The following UNC79 variants were observed in gnomAD, a reference collection of about 807,000 sequenced individuals.
UNC79 encodes the protein unc-79 subunit of NALCN channel complex.
Under a neutral mutation model 283.1 loss-of-function variants are expected in UNC79, and 37 were observed. That is an observed-to-expected ratio of 0.13 (90% CI 0.10 to 0.17). UNC79 has a LOEUF of 0.17. Among genes scored for constraint, UNC79 ranks in the 10% least tolerant of loss-of-function variants. The pLI is 1.00. For synonymous variants in UNC79, 1,107 were observed against 1,200.2 expected (o/e 0.92, Z 1.61); for missense variants, 2,272 against 3,211.1 (o/e 0.71, Z 7.07).
chr14:93,599,394 A>G (rs2065332684), intron 24 of UNC79, among the ~76,000 whole-genome samples: 1 of 151,266 alleles, frequency 6.6e-6, no homozygotes, highest in African/African-American at 2.5e-5. Flanking sequence ...GTATGTGTGC[A>G]TACACTGTCT....
chr14:93,551,295 C>T (rs915596414), intron 14 of UNC79, among the ~76,000 whole-genome samples: 1 of 152,150 alleles, frequency 6.6e-6, no homozygotes, highest in Non-Finnish European at 1.5e-5. Flanking sequence ...ATGATCTGCC[C>T]GCCTCGGCCT....
At position 93,353,917 on chromosome 14, in the gene UNC79, G is replaced by A. The variant is rs186405072; in HGVS notation, c.-351+20394G>A. 1.7e-3 allele frequency among the ~76,000 whole-genome samples: 256 copies of A among 152,292 alleles called. No homozygotes were observed. The Middle Eastern group carries it at 0.02, about 12-fold the overall frequency. Reference sequence around the variant, plus strand: ...GTCAGTGCCCTAACTTGCCCTAGAAGAGGAGATAGACAAACATGTAACCTT... The same window carrying A: ...GTCAGTGCCCTAACTTGCCCTAGAAAAGGAGATAGACAAACATGTAACCTT... On this transcript the variant is annotated intron_variant, in intron 1 of 49. Coordinates refer to the UNC79 transcript ENST00000256339.
intron 7 of UNC79, among the ~76,000 whole-genome samples, chr14:93,497,713 C>T (rs2059077531): frequency 6.6e-6 from 1 of 152,190 alleles, no homozygotes; most frequent in African/African-American, 2.4e-5. Context: ...CCAGACTGGG[C>T]ACAGTGGCTC....
chr14:93,393,163 G>A (rs1450809125), intron 1 of UNC79, among the ~76,000 whole-genome samples: 3 of 152,140 alleles, frequency 2.0e-5, no homozygotes, highest in African/African-American at 7.2e-5. Context: ...TCCCAGTTGT[G>A]TGATAAACTG....
chr14:93,639,734 T>C (rs2068848803), intron 32 of UNC79, among the ~76,000 whole-genome samples: 1 of 152,232 alleles, frequency 6.6e-6, no homozygotes. Flanking sequence ...GTCTGCAGAA[T>C]GGAAGCATCT....
intron 40 of UNC79, among the ~76,000 whole-genome samples, chr14:93,669,031 T>G (rs1400199862): frequency 6.9e-6 from 1 of 145,704 alleles, no homozygotes; most frequent in Non-Finnish European, 1.5e-5. Context: ...TGGAGATAAC[T>G]GGAACATTTT....
intron 17 of UNC79, among the ~76,000 whole-genome samples, chr14:93,575,538 G>T (rs1156633454): frequency 6.6e-6 from 1 of 152,126 alleles, no homozygotes; most frequent in Non-Finnish European, 1.5e-5. Flanking sequence ...CACTTTGGGG[G>T]TGAGGAGTCT....
intron 18 of UNC79, 53 bp from the exon 19 acceptor site, chr14:93,580,096 C>T: frequency 6.7e-7 from 1 of 1,491,072 alleles, no homozygotes; most frequent in South Asian, 1.3e-5. Context: ...ACTCCTTCTT[C>T]TTCTTTTTTT....
chr14:93,641,099 T>C (rs2068990706), intron 32 of UNC79, 46 bp from the exon 36 acceptor site: 1 of 1,550,428 alleles, frequency 6.4e-7, no homozygotes, highest in African/African-American at 1.4e-5. Flanking sequence ...CTTGGCCCCT[T>C]GAAGCTCATC....
At chr14:93,505,715 CTT>C (rs996701974) in intron 7 of UNC79, among the ~76,000 whole-genome samples, 1 of 150,028 alleles carries the variant, frequency 6.7e-6, no homozygotes, top group African/African-American at 2.4e-5. Flanking sequence ...CTTCTTTTTT[CTT>C]TTTTCTCTCT....
intron 1 of UNC79, chr14:93,464,625 C>T (rs1566954133): frequency 8.8e-6 from 4 of 455,750 alleles, no homozygotes; most frequent in Admixed American, 2.4e-5. Flanking sequence ...GGGGTGGCCC[C>T]GGGGGGAGTT....
chr14:93,691,561 C>T, intron 45 of UNC79, 188 bp from the exon 49 acceptor site: 3 of 631,918 alleles, frequency 4.7e-6, no homozygotes, highest in Non-Finnish European at 8.3e-6. Context: ...CACACTCCCA[C>T]TGGTGGAGAA....
At position 93,686,698 on chromosome 14, in the gene UNC79, C is replaced by A. The variant is rs764432339; in HGVS notation, c.6909+37C>A. ...GCCACCTGCTCATCCCTCAGGTTCA[C>A]AAAACAGAGATGCTTTGAGAGAATT... On this transcript the variant is annotated intron_variant, in intron 43 of 48. Transcript: ENST00000555664. 5 of 1,610,092 alleles carry A rather than the reference C, an allele frequency of 3.1e-6. No individual in the cohort carries two copies. In the East Asian group the frequency reaches 1.1e-4, roughly 36 times the overall value.
At chr14:93,572,244 C>T (rs575510898) in intron 15 of UNC79, among the ~76,000 whole-genome samples, 160 bp downstream of exon 15, 4 of 152,214 alleles carry the variant, frequency 2.6e-5, no homozygotes, top group Non-Finnish European at 4.4e-5. Flanking sequence ...GAAATAGCTG[C>T]AATACCTCAA....
chr14:93,446,262 G>A (rs181393973), intron 1 of UNC79, among the ~76,000 whole-genome samples: 7 of 152,230 alleles, frequency 4.6e-5, no homozygotes, highest in East Asian at 1.9e-4. Context: ...CTTGAAAGCC[G>A]TGCATTGCTT....
intron 1 of UNC79, among the ~76,000 whole-genome samples, chr14:93,334,031 C>G: frequency 6.6e-6 from 1 of 152,206 alleles, no homozygotes; most frequent in East Asian, 1.9e-4. Context: ...CAATCTCTAC[C>G]CATTGTTTAA....
At chr14:93,444,208 A>G (rs906101717) in intron 1 of UNC79, among the ~76,000 whole-genome samples, 2 of 152,122 alleles carry the variant, frequency 1.3e-5, no homozygotes, top group African/African-American at 4.8e-5. Context: ...GATGTTGAAC[A>G]TCTTTTTATG....
intron 4 of UNC79, among the ~76,000 whole-genome samples, chr14:93,485,139 A>G (rs973514300): frequency 3.3e-5 from 5 of 151,166 alleles, no homozygotes; most frequent in African/African-American, 1.2e-4. Flanking sequence ...TTTGAGATGA[A>G]TTTAAACAAA....
At chr14:93,539,717 T>C (rs1051002540) in intron 12 of UNC79, among the ~76,000 whole-genome samples, 2 of 152,126 alleles carry the variant, frequency 1.3e-5, no homozygotes, top group African/African-American at 4.8e-5. Context: ...GTTATCACCA[T>C]CATCATCAGT....
Sources: allele counts gnomAD v4.1 joint callset (sites outside exome capture counted in the v4.1 genomes callset), GRCh38; gene constraint gnomAD v4.1.1; transcripts MANE v1.5; gene names NCBI Gene and HGNC (gene_info 2026-07-23, HGNC 2026-07-21).